The following PRKN variants were observed in gnomAD, a reference collection of about 807,000 sequenced individuals.
The protein encoded by PRKN is E3 ubiquitin-protein ligase parkin.
In PRKN, 56 loss-of-function variants were observed where a neutral mutation model predicts 59.5. The ratio of observed to expected loss-of-function variants is 0.94; its 90% CI spans 0.76 to 1.18. The LOEUF is 1.18. Among genes scored for constraint, PRKN ranks in the 50% most tolerant of loss-of-function variants. PRKN has a pLI of 0.00. For synonymous variants in PRKN, 250 were observed against 222.1 expected (o/e 1.13, Z -1.12); for missense variants, 657 against 596.4 (o/e 1.10, Z -1.06).
intron 6 of PRKN, among the ~76,000 whole-genome samples, chr6:161,827,422 A>T (rs776863876): frequency 3.9e-5 from 6 of 152,134 alleles, no homozygotes; most frequent in Admixed American, 6.6e-5. Context: ...ATGTATCTAT[A>T]TAACTGTGGC....
chr6:161,801,701 T>G (rs58069504), intron 6 of PRKN, among the ~76,000 whole-genome samples: 5,680 of 152,142 alleles, frequency 0.037, 338 homozygotes, highest in African/African-American at 0.13. Context: ...ATCTCACACC[T>G]CACTGGAAGC....
intron 2 of PRKN, among the ~76,000 whole-genome samples, chr6:162,404,886 C>T (rs12661006): frequency 0.064 from 9,773 of 152,206 alleles, 692 homozygotes; most frequent in East Asian, 0.38. Context: ...CATAGAGCCA[C>T]ACACCAAGTA....
At chr6:161,660,890 C>A (rs554462554) in intron 7 of PRKN, among the ~76,000 whole-genome samples, 1 of 152,166 alleles carries the variant, frequency 6.6e-6, no homozygotes, top group East Asian at 1.9e-4. Context: ...CTGCTCCTCC[C>A]ACTGCCCTCC....
Position 162,374,482 on chromosome 6 carries a change from C to T in PRKN, c.171+68828G>A, listed in dbSNP as rs181970720. On this transcript the variant is annotated intron_variant, in intron 2 of 11. Coordinates refer to ENST00000366898, the MANE Select transcript of PRKN (RefSeq NM_004562.3). ...TGGTCTGGTCGGTTGGAGCCTAGTA[C>T]ATGAGTTTAGTCAAAAGCAATAGCC... is the stretch of plus-strand genomic sequence containing the variant. Among the ~76,000 whole-genome samples the T allele has an allele frequency of 2.8e-3, 429 of 151,446 alleles. 8 individuals are homozygous for T. The highest frequency in any genetic ancestry group is 5.1e-3 in the Non-Finnish European group (347 of 67,870).
intron 9 of PRKN, among the ~76,000 whole-genome samples, chr6:161,490,348 TCTCTCTCTCTCC>T (rs1399287826): frequency 1.1e-4 from 17 of 150,530 alleles, no homozygotes; most frequent in Admixed American, 4.0e-4. Context: ...TTTCTCTCTC[TCTCTCTCTCTCC>T]CTCTCTCTCT....
intron 3 of PRKN, among the ~76,000 whole-genome samples, chr6:162,241,505 G>A (rs575525202): frequency 6.6e-6 from 1 of 152,072 alleles, no homozygotes; most frequent in South Asian, 2.1e-4. Context: ...AGTGAGAAGT[G>A]GTTAAAGTGT....
At chr6:162,710,206 A>G (rs1289800634) in intron 1 of PRKN, among the ~76,000 whole-genome samples, 3 of 152,018 alleles carry the variant, frequency 2.0e-5, no homozygotes, top group African/African-American at 7.3e-5. Flanking sequence ...CTTGAAAGCC[A>G]CAGTAAATGT....
chr6:162,080,005 C>T (rs1583002619), intron 4 of PRKN, among the ~76,000 whole-genome samples: 1 of 152,148 alleles, frequency 6.6e-6, no homozygotes, highest in African/African-American at 2.4e-5. Flanking sequence ...TTTTGCTTTC[C>T]TGCTGGACAT....
intron 7 of PRKN, among the ~76,000 whole-genome samples, chr6:161,693,520 T>C (rs1019503377): frequency 6.6e-6 from 1 of 152,156 alleles, no homozygotes; most frequent in African/African-American, 2.4e-5. Flanking sequence ...ATACATACAA[T>C]TATGACCAGC....
intron 9 of PRKN, among the ~76,000 whole-genome samples, chr6:161,455,008 C>T (rs9458263): frequency 0.019 from 2,904 of 151,412 alleles, 79 homozygotes; most frequent in African/African-American, 0.061. Context: ...CTTCTTGAGA[C>T]GATGGACTGT....
Position 162,703,866 on chromosome 6 carries a change from T to C in PRKN, c.7+23796A>G, listed in dbSNP as rs1893536. ...AGGTGTTAGATTGTGTTGTTATTCC[T>C]TTATCAGTTCAATATATTTGGGAGT... On this transcript the variant is annotated intron_variant, in intron 1 of 11. Coordinates refer to ENST00000366898, the MANE Select transcript of PRKN (RefSeq NM_004562.3). 1.9e-3 allele frequency among the ~76,000 whole-genome samples: 286 copies of C among 152,316 alleles called. 1 individual carries two copies. Among genetic ancestry groups the C allele is most frequent in the Non-Finnish European group, 3.2e-3 (221 of 68,038 alleles).
At chr6:162,222,094 C>T (rs1219436915) in intron 3 of PRKN, among the ~76,000 whole-genome samples, 1 of 152,110 alleles carries the variant, frequency 6.6e-6, no homozygotes, top group African/African-American at 2.4e-5. Flanking sequence ...ACTCTTACCA[C>T]TTTGGACAAC....
At chr6:162,670,458 C>T (rs1562484514) in intron 1 of PRKN, among the ~76,000 whole-genome samples, 3 of 152,218 alleles carry the variant, frequency 2.0e-5, no homozygotes, top group African/African-American at 7.2e-5. Flanking sequence ...ACTGTCACCT[C>T]CAGTCTGCCT....
intron 1 of PRKN, among the ~76,000 whole-genome samples, chr6:162,534,033 T>C (rs1360151190): frequency 4.0e-5 from 6 of 151,730 alleles, no homozygotes; most frequent in African/African-American, 1.2e-4. Context: ...ATAAAATATT[T>C]CACACAGGCC....
At chr6:161,586,783 G>T (rs555294923) in intron 7 of PRKN, among the ~76,000 whole-genome samples, 32 of 152,250 alleles carry the variant, frequency 2.1e-4, no homozygotes, top group African/African-American at 7.2e-4. Flanking sequence ...CATCTTAATA[G>T]TGCTTTATAC....
At chr6:161,758,967 A>G (rs1341529698) in intron 7 of PRKN, among the ~76,000 whole-genome samples, 1 of 152,144 alleles carries the variant, frequency 6.6e-6, no homozygotes, top group African/African-American at 2.4e-5. Flanking sequence ...TCACGAGGCC[A>G]GGAGTTCAAG....
intron 2 of PRKN, among the ~76,000 whole-genome samples, chr6:162,289,534 T>C (rs147169240): frequency 1.3e-5 from 2 of 151,732 alleles, no homozygotes; most frequent in Non-Finnish European, 2.9e-5. Flanking sequence ...CCGTCTCTAC[T>C]GAAAATACAA....
intron 8 of PRKN, among the ~76,000 whole-genome samples, chr6:161,559,060 A>AC (rs1780354198): frequency 7.2e-6 from 1 of 138,644 alleles, no homozygotes; most frequent in African/African-American, 2.5e-5. Flanking sequence ...AAAAAAAAAA[A>AC]AAAAAACCAG....
intron 5 of PRKN, among the ~76,000 whole-genome samples, chr6:161,977,020 AACTC>A (rs1233042588): frequency 6.6e-6 from 1 of 152,350 alleles, no homozygotes; most frequent in African/African-American, 2.4e-5. Context: ...ATAAAACTAA[AACTC>A]ACATTGCCAA....
Sources: gnomAD v4.1 joint callset for allele counts (sites outside exome capture counted in the v4.1 genomes callset) on GRCh38, gnomAD v4.1.1 for gene constraint, MANE v1.5 for transcripts, NCBI Gene and HGNC (gene_info 2026-07-23, HGNC 2026-07-21) for gene names.